CRTC3: variants seen among roughly 807,000 people sequenced by gnomAD.
CRTC3 encodes CREB-regulated transcription coactivator 3.
Under a neutral mutation model 74.5 loss-of-function variants are expected in CRTC3, and 26 were observed. The ratio of observed to expected loss-of-function variants is 0.35; its 90% CI spans 0.26 to 0.48. CRTC3 has a LOEUF of 0.48. Among genes scored for constraint, CRTC3 ranks in the 20% least tolerant of loss-of-function variants. The pLI is 0.99. For synonymous variants in CRTC3, 377 were observed against 325.8 expected, an observed-to-expected ratio of 1.16 and a Z score of -1.69; for missense variants, 760 against 787.3, an observed-to-expected ratio of 0.97 and a Z score of 0.41.
intron 1 of CRTC3, among the ~76,000 whole-genome samples, chr15:90,532,887 C>G (rs1252481492): frequency 1.3e-5 from 2 of 150,522 alleles, no homozygotes; most frequent in East Asian, 3.9e-4. Context: ...GAGATCGAGA[C>G]CATCCTGGCC....
chr15:90,603,192 C>T (rs1420668438), intron 4 of CRTC3, among the ~76,000 whole-genome samples: 1 of 151,990 alleles, frequency 6.6e-6, no homozygotes, highest in South Asian at 2.1e-4. Flanking sequence ...GCCTGTAATC[C>T]CAGCACTTTG....
chr15:90,563,123 G>A (rs1001754835), intron 2 of CRTC3, among the ~76,000 whole-genome samples: 2 of 152,176 alleles, frequency 1.3e-5, no homozygotes, highest in Non-Finnish European at 2.9e-5. Flanking sequence ...AAAGTTAAAC[G>A]GGCTGGGCAT....
chr15:90,550,986 A>G (rs1384581570), intron 2 of CRTC3, among the ~76,000 whole-genome samples: 1 of 152,174 alleles, frequency 6.6e-6, no homozygotes, highest in Non-Finnish European at 1.5e-5. Flanking sequence ...CAGGTTGTGT[A>G]GGGCAGAACA....
Position 90,625,986 on chromosome 15 carries a change from C to T in CRTC3, c.960C>T (p.Ser320=). The T allele has an allele frequency of 6.2e-7, 1 of 1,613,638 alleles. No individual in the cohort carries two copies. Among genetic ancestry groups the T allele is most frequent in the Admixed American group, 1.7e-5 (1 of 60,030 alleles). The change falls in exon 10 of 15, where the codon AGC becomes AGT. Residue 320 remains serine, a synonymous_variant. Coordinates refer to ENST00000268184, the MANE Select transcript of CRTC3 (RefSeq NM_022769.5). ...CTATGACCCACCTGGGTATAAGAAG[C>T]TCCTCTGGTGAGTATCTCCTGCTTA... The part of the protein sequence containing the change: ...PAAMTHLGIR[S]SSGLQSSRSN...
In CRTC3 at chr15:90,540,571, G is replaced by A. The variant is rs147622976; in HGVS notation, c.231+434G>A. Among the ~76,000 whole-genome samples the A allele has an allele frequency of 1.4e-3, 214 of 152,116 alleles. 1 individual carries two copies. The East Asian group carries it at 0.021, about 15-fold the overall frequency. ...GCAGATCACCTGAGGTCAGGAGTTC[G>A]AGACCAGCCCGGTCAACATGGTGAA... On this transcript the variant is annotated intron_variant, in intron 2 of 14. Coordinates refer to ENST00000268184, the MANE Select transcript of CRTC3 (RefSeq NM_022769.5).
chr15:90,641,267 A>G lies in CRTC3; in HGVS notation c.1651+68A>G, dbSNP rs978730545. On this transcript the variant is annotated intron_variant, in intron 14 of 14. Transcript: ENST00000268184. ...TTGTGTGTTCAGGAACCTTCATAAG[A>G]GAGTTTAAACAACATAATATTATAT... 1.8e-5 allele frequency: 20 copies of G among 1,100,512 alleles called. 1 individual carries two copies. The highest frequency in any genetic ancestry group is 1.3e-4 in the Admixed American group (7 of 52,806). The allele number at this position is 1,100,512 out of a possible 1,614,324, so 68.2% of individuals were successfully genotyped here.
At chr15:90,562,022 G>T (rs1967022187) in intron 2 of CRTC3, among the ~76,000 whole-genome samples, 1 of 152,236 alleles carries the variant, frequency 6.6e-6, no homozygotes, top group Non-Finnish European at 1.5e-5. Context: ...GCTATAAGCA[G>T]TTGGCTGCCT....
chr15:90,634,181 G>A (rs868288160), intron 11 of CRTC3, among the ~76,000 whole-genome samples: 1 of 150,436 alleles, frequency 6.6e-6, no homozygotes, highest in Non-Finnish European at 1.5e-5. Flanking sequence ...GTGTGATCTC[G>A]GCTCATTGTA....
At chr15:90,589,579 C>T (rs1316269687) in intron 2 of CRTC3, among the ~76,000 whole-genome samples, 1 of 152,158 alleles carries the variant, frequency 6.6e-6, no homozygotes. Flanking sequence ...AGGCTGGACT[C>T]AAACTCCTGG....
chr15:90,612,084 C>T (rs1396567737), intron 6 of CRTC3, among the ~76,000 whole-genome samples: 4 of 147,576 alleles, frequency 2.7e-5, no homozygotes, highest in Non-Finnish European at 4.5e-5. Flanking sequence ...CCTCCTCCGC[C>T]TCCTCCTCCG....
chr15:90,639,964 G>A (rs934950408), intron 13 of CRTC3, among the ~76,000 whole-genome samples: 6 of 151,988 alleles, frequency 3.9e-5, no homozygotes, highest in African/African-American at 1.4e-4. Context: ...CAGGAGAATG[G>A]CGTGAAGCCG....
intron 7 of CRTC3, among the ~76,000 whole-genome samples, chr15:90,616,132 A>T (rs1401362716): frequency 6.6e-6 from 1 of 152,136 alleles, no homozygotes; most frequent in Non-Finnish European, 1.5e-5. Context: ...CATTTGAAGA[A>T]AAGAGAATCA....
chr15:90,585,200 G>A (rs758072792), intron 2 of CRTC3, among the ~76,000 whole-genome samples: 4 of 151,972 alleles, frequency 2.6e-5, no homozygotes, highest in Non-Finnish European at 4.4e-5. Context: ...GCTGGAGTGC[G>A]GTGGTATGAT....
chr15:90,533,413 T>C (rs1966665277), intron 1 of CRTC3, among the ~76,000 whole-genome samples: 1 of 83,034 alleles, frequency 1.2e-5, no homozygotes, highest in Non-Finnish European at 2.5e-5. Flanking sequence ...AGAGCGAGAC[T>C]CCGCCTAGGA....
At chr15:90,551,965 CACAA>C in intron 2 of CRTC3, among the ~76,000 whole-genome samples, 1 of 31,562 alleles carries the variant, frequency 3.2e-5, no homozygotes, top group Non-Finnish European at 7.4e-5. Flanking sequence ...CACACACACA[CACAA>C]ATGTCTTCTA....
At chr15:90,566,954 AC>A (rs1967137322) in intron 2 of CRTC3, among the ~76,000 whole-genome samples, 1 of 151,778 alleles carries the variant, frequency 6.6e-6, no homozygotes, top group Non-Finnish European at 1.5e-5. Flanking sequence ...CAGGTAACTC[AC>A]CCTTCTTGGC....
At chr15:90,564,499 C>T (rs1967080579) in intron 2 of CRTC3, among the ~76,000 whole-genome samples, 1 of 152,150 alleles carries the variant, frequency 6.6e-6, no homozygotes, top group Admixed American at 6.5e-5. Context: ...TACGTCTGGC[C>T]TTTTTAGCTT....
intron 10 of CRTC3, among the ~76,000 whole-genome samples, chr15:90,626,754 G>A (rs1257459856): frequency 6.6e-6 from 1 of 152,168 alleles, no homozygotes; most frequent in Admixed American, 6.5e-5. Flanking sequence ...TGGGATTACA[G>A]GCATGTGCCA....
intron 1 of CRTC3, chr15:90,539,807 C>T (rs1008280987): frequency 2.9e-5 from 14 of 481,986 alleles, no homozygotes; most frequent in Admixed American, 1.2e-4. Flanking sequence ...TGCAAGAGGA[C>T]GTTACTATCA....
Sources: gnomAD v4.1 joint callset for allele counts (sites outside exome capture counted in the v4.1 genomes callset) on GRCh38, gnomAD v4.1.1 for gene constraint, MANE v1.5 for transcripts, NCBI Gene and HGNC (gene_info 2026-07-23, HGNC 2026-07-21) for gene names.